The following SMAD4 variants were observed in gnomAD, a reference collection of about 807,000 sequenced individuals.
The protein encoded by SMAD4 is MAD homolog 4.
In SMAD4, 7 loss-of-function variants were observed where a neutral mutation model predicts 63.2. That is an observed-to-expected ratio of 0.11 (90% CI 0.06 to 0.21). The LOEUF (loss-of-function observed/expected upper bound fraction) is 0.21, where lower values mean the gene tolerates loss of function less well. Among genes scored for constraint, SMAD4 ranks in the 10% least tolerant of loss-of-function variants. The pLI is 1.00. For synonymous variants in SMAD4, 215 were observed against 235.4 expected (o/e 0.91, Z 0.79); for missense variants, 312 against 693.8 (o/e 0.45, Z 6.18).
rs1910605394 is a variant in SMAD4 at position 51,081,215 on chromosome 18, T to A, written c.*2748T>A. 4.5e-6 allele frequency: 1 copy of A among 224,436 alleles called. No homozygotes were observed. Among genetic ancestry groups the A allele is most frequent in the Non-Finnish European group, 8.9e-6 (1 of 112,690 alleles). The allele number at this position is 224,436 out of a possible 1,614,324, so 13.9% of individuals were successfully genotyped here. A position where few individuals can be genotyped will look rare whatever the true frequency, so the allele number is the denominator to read the frequency against. On this transcript the variant is annotated 3_prime_UTR_variant, in exon 12 of 12. Coordinates refer to ENST00000342988, the MANE Select transcript of SMAD4 (RefSeq NM_005359.6). ...ATGAGGTTATGGTTCTGGGTGGGTT[T>A]TCTCTAGCTAATTCATATCTCAAAG...
At position 51,036,586 on chromosome 18, in the gene SMAD4, G is replaced by C. The variant is rs563843720; in HGVS notation, c.-128+5963G>C. 3.3e-5 allele frequency among the ~76,000 whole-genome samples: 5 copies of C among 152,258 alleles called. No homozygotes were observed. In the South Asian group the frequency reaches 8.3e-4, roughly 25 times the overall value. On this transcript the variant is annotated intron_variant, in intron 1 of 11. Transcript: ENST00000342988. ...GTATAGATGCTGAAATAATGAAGGG[G>C]CTGGCTAATTGTAAGGAAAAATGAT... is the stretch of plus-strand genomic sequence containing the variant.
chr18:51,066,934 A>AC (rs1910174740), intron 9 of SMAD4, 85 bp from the exon 10 acceptor site: 1 of 1,024,956 alleles, frequency 9.8e-7, no homozygotes, highest in African/African-American at 1.6e-5. Context: ...TAATTTTTCA[A>AC]TATTAAGCAT....
At chr18:51,061,482 C>CT (rs1456635061) in intron 8 of SMAD4, among the ~76,000 whole-genome samples, 1 of 152,166 alleles carries the variant, frequency 6.6e-6, no homozygotes. Context: ...GGTTCTTTCA[C>CT]TTAACATAAT....
chr18:51,059,177 T>G (rs1909934589), intron 7 of SMAD4, among the ~76,000 whole-genome samples: 1 of 152,210 alleles, frequency 6.6e-6, no homozygotes, highest in Non-Finnish European at 1.5e-5. Flanking sequence ...CTATGTGTAT[T>G]GTATATATCT....
chr18:51,049,794 G>A lies in SMAD4; in HGVS notation c.454+470G>A, dbSNP rs541203974. Among the ~76,000 whole-genome samples the A allele has an allele frequency of 1.6e-4, 24 of 152,144 alleles. No homozygotes were observed. The South Asian group carries it at 4.6e-3, about 29-fold the overall frequency. On this transcript the variant is annotated intron_variant, in intron 4 of 11. Coordinates refer to ENST00000342988, the MANE Select transcript of SMAD4 (RefSeq NM_005359.6). ...ATAATGTTGAGAATGGTTTAAAATT[G>A]CACTCTTTTGTATTTTTTCAGTCTT...
intron 1 of SMAD4, among the ~76,000 whole-genome samples, chr18:51,040,530 A>G (rs1389848316): frequency 6.6e-6 from 1 of 152,236 alleles, no homozygotes; most frequent in African/African-American, 2.4e-5. Flanking sequence ...TGTTTGACAC[A>G]TATAATACAG....
rs71171374 is a variant in SMAD4 at position 51,062,851 on chromosome 18, G to GTTTTTTTTTTTTT, written c.956-2560_956-2548dup. ...ACAGTCTAGTAATCTGGCTTTACTTGTTTTTTTTTTTTTTTTTTTTTTTTG... is the reference window on the plus strand; with the variant it reads ...ACAGTCTAGTAATCTGGCTTTACTTGTTTTTTTTTTTTTTTTTTTTTTTTTTTTTTTTTTTTTG... On this transcript the variant is annotated intron_variant, in intron 8 of 11. Transcript: ENST00000342988. Among the ~76,000 whole-genome samples, 34 of 65,394 alleles carry GTTTTTTTTTTTTT rather than the reference G, an allele frequency of 5.2e-4. 6 individuals are homozygous for GTTTTTTTTTTTTT. Among genetic ancestry groups the GTTTTTTTTTTTTT allele is most frequent in the African/African-American group, 1.1e-3 (18 of 15,672 alleles). The allele number at this position is 65,394 out of a possible 152,430, so 42.9% of individuals were successfully genotyped here.
intron 1 of SMAD4, among the ~76,000 whole-genome samples, chr18:51,046,501 C>T (rs1426712821): frequency 2.7e-5 from 4 of 148,044 alleles, no homozygotes; most frequent in Non-Finnish European, 5.9e-5. Flanking sequence ...GGTAGAATTT[C>T]ATACCAGGCG....
At chr18:51,039,335 G>C (rs868203942) in intron 1 of SMAD4, among the ~76,000 whole-genome samples, 25 of 152,276 alleles carry the variant, frequency 1.6e-4, no homozygotes, top group South Asian at 1.0e-3. Flanking sequence ...TCATTGGCTT[G>C]GTCTGGAGAT....
At chr18:51,050,671 AAAAG>A (rs1909683347) in intron 4 of SMAD4, among the ~76,000 whole-genome samples, 1 of 152,088 alleles carries the variant, frequency 6.6e-6, no homozygotes, top group Admixed American at 6.5e-5. Flanking sequence ...AAAAAAAAAA[AAAAG>A]GAACCACTGT....
intron 5 of SMAD4, among the ~76,000 whole-genome samples, chr18:51,055,363 T>C (rs888731743): frequency 1.3e-5 from 2 of 152,212 alleles, no homozygotes; most frequent in African/African-American, 4.8e-5. Flanking sequence ...TGCGGTGTTC[T>C]TATTTTGGTT....
chr18:51,038,053 C>T (rs1001983324), intron 1 of SMAD4, among the ~76,000 whole-genome samples: 15 of 151,954 alleles, frequency 9.9e-5, no homozygotes, highest in African/African-American at 3.1e-4. Context: ...CTGTGGGAGG[C>T]GGAGGTGGGA....
chr18:51,053,197 G>A (rs1255613948), intron 4 of SMAD4: 1 of 152,120 alleles, frequency 6.6e-6, no homozygotes, highest in Non-Finnish European at 1.5e-5. Flanking sequence ...AAGTTGACCA[G>A]TTGTATCCTC....
chr18:51,082,264 A>G lies in SMAD4; in HGVS notation c.*3797A>G, dbSNP rs895912471. On this transcript the variant is annotated 3_prime_UTR_variant, in exon 12 of 12. Transcript: ENST00000342988. The stretch of plus-strand genomic sequence containing the variant: ...AGAATCCATCTTGTTGCAGATAGCT[A>G]TCTAAATAATCTCATATCCTCTTTT... 4.4e-6 allele frequency: 1 copy of G among 229,392 alleles called. No homozygotes were observed. Among genetic ancestry groups the G allele is most frequent in the East Asian group, 6.3e-5 (1 of 15,990 alleles). 14.2% of individuals were successfully genotyped at this position (229,392 alleles called of 1,614,324 possible).
At chr18:51,043,938 A>C (rs191236458) in intron 1 of SMAD4, among the ~76,000 whole-genome samples, 60 of 152,342 alleles carry the variant, frequency 3.9e-4, no homozygotes, top group Admixed American at 1.1e-3. Flanking sequence ...TGCCTGGTAT[A>C]TGTCAGGAAC....
chr18:51,066,824 G>A, intron 9 of SMAD4, 195 bp from the exon 10 acceptor site: 1 of 562,830 alleles, frequency 1.8e-6, no homozygotes, highest in Non-Finnish European at 3.2e-6. Flanking sequence ...AGTAAGTGTT[G>A]TAAATATGTG....
In SMAD4 at chr18:51,083,713, T is replaced by C. The variant is rs1385722705; in HGVS notation, c.*5246T>C. The C allele has an allele frequency of 4.4e-6, 1 of 228,200 alleles. No individual in the cohort carries two copies. Among genetic ancestry groups the C allele is most frequent in the Non-Finnish European group, 8.7e-6 (1 of 114,902 alleles). The allele number at this position is 228,200 out of a possible 1,614,324, so 14.1% of individuals were successfully genotyped here. A position where few individuals can be genotyped will look rare whatever the true frequency, so the allele number is the denominator to read the frequency against. On this transcript the variant is annotated 3_prime_UTR_variant, in exon 12 of 12. Transcript: ENST00000342988. ...GTCATTTATCTTCTCTGGGCCTTAGTTGCCTCATCTGTAAAATGAGGGAGT... is the reference window on the plus strand; with the variant it reads ...GTCATTTATCTTCTCTGGGCCTTAGCTGCCTCATCTGTAAAATGAGGGAGT...
chr18:51,059,793 A>G (rs1296154129), intron 7 of SMAD4, 73 bp from the exon 8 acceptor site: 14 of 1,091,904 alleles, frequency 1.3e-5, no homozygotes, highest in South Asian at 5.0e-5. Flanking sequence ...TATTTAAGTA[A>G]GATTTACTGA....
At chr18:51,067,944 T>TG (rs1910208944) in intron 10 of SMAD4, among the ~76,000 whole-genome samples, 1 of 152,212 alleles carries the variant, frequency 6.6e-6, no homozygotes, top group Non-Finnish European at 1.5e-5. Context: ...GAATTTTACT[T>TG]TATAATATAA....
Sources: allele counts gnomAD v4.1 joint callset (sites outside exome capture counted in the v4.1 genomes callset), GRCh38; gene constraint gnomAD v4.1.1; transcripts MANE v1.5; gene names NCBI Gene and HGNC (gene_info 2026-07-23, HGNC 2026-07-21).